The following STK32A variants were observed in gnomAD, a reference collection of about 807,000 sequenced individuals.
STK32A encodes serine/threonine-protein kinase 32A.
Under a neutral mutation model 53.2 loss-of-function variants are expected in STK32A, and 41 were observed. The observed-to-expected ratio is 0.77, with a 90% CI of 0.60 to 1.00. The LOEUF (loss-of-function observed/expected upper bound fraction) is 1.00. Ranked by LOEUF, STK32A falls within the 50% of genes least tolerant of loss-of-function variation. The pLI is 0.00. For missense variants in STK32A, 458 were observed against 485.8 expected (o/e 0.94, Z 0.54); for synonymous variants, 166 against 162.8 (o/e 1.02, Z -0.15).
chr5:147,338,762 T>C (rs1581112470), intron 5 of STK32A, among the ~76,000 whole-genome samples: 1 of 152,190 alleles, frequency 6.6e-6, no homozygotes, highest in Non-Finnish European at 1.5e-5. Context: ...GTGACATTTT[T>C]CCCCTGCCAT....
chr5:147,237,269 T>G (rs1753364396), intron 1 of STK32A, among the ~76,000 whole-genome samples: 1 of 151,590 alleles, frequency 6.6e-6, no homozygotes, highest in African/African-American at 2.4e-5. Flanking sequence ...GCCGAGATGG[T>G]GCCACTGCAC....
chr5:147,315,182 A>G (rs1753932659), intron 4 of STK32A, among the ~76,000 whole-genome samples: 1 of 152,224 alleles, frequency 6.6e-6, no homozygotes, highest in Non-Finnish European at 1.5e-5. Flanking sequence ...TCAAAAAGTT[A>G]AACATAGAGT....
rs941683731 is a variant in STK32A, at chr5:147,334,202, G to A, written c.435-8804G>A. On this transcript the variant is annotated intron_variant, in intron 5 of 12. Coordinates refer to ENST00000397936, the MANE Select transcript of STK32A (RefSeq NM_001112724.2). ...TCTGCAGTCTCCCTAACAAGGAATC[G>A]TTATACCTCAGGGATGGGATAGTCA... Among the ~76,000 whole-genome samples, 9 of 152,248 alleles carry A rather than the reference G, an allele frequency of 5.9e-5. No homozygotes were observed. In the South Asian group the frequency reaches 8.3e-4, roughly 14 times the overall value.
chr5:147,297,419 C>G (rs1752918293), intron 4 of STK32A, among the ~76,000 whole-genome samples: 1 of 152,140 alleles, frequency 6.6e-6, no homozygotes, highest in South Asian at 2.1e-4. Context: ...AACAGGACTG[C>G]TTTCCTGACT....
At chr5:147,374,738 T>C (rs1399053467) in intron 10 of STK32A, among the ~76,000 whole-genome samples, 1 of 152,146 alleles carries the variant, frequency 6.6e-6, no homozygotes, top group Admixed American at 6.5e-5. Flanking sequence ...ATTTGGGAAG[T>C]CTGGTTGGAG....
At chr5:147,330,142 C>A (rs1754796235) in intron 5 of STK32A, among the ~76,000 whole-genome samples, 2 of 152,152 alleles carry the variant, frequency 1.3e-5, no homozygotes, top group East Asian at 1.9e-4. Flanking sequence ...TAGTTGAGTT[C>A]TCGGCACAGC....
At chr5:147,378,840 CTTTTTTTTTTTTTTTTTTTTTTTTTTTTT>C (rs71001434) in intron 11 of STK32A, among the ~76,000 whole-genome samples, 5 of 28,094 alleles carry the variant, frequency 1.8e-4, no homozygotes, top group Admixed American at 9.7e-4. Context: ...TGCCTCCAGT[CTTTTTTTTTTTTTTTTTTTTTTTTTTTTT>C]TTTTTTTTTT....
At chr5:147,252,057 G>T (rs1258094672) in intron 2 of STK32A, among the ~76,000 whole-genome samples, 20 of 151,338 alleles carry the variant, frequency 1.3e-4, no homozygotes, top group African/African-American at 4.9e-4. Flanking sequence ...TTTTTAATTA[G>T]TTGGGTATGG....
At chr5:147,383,653 C>CT (rs1364893625) in intron 12 of STK32A, 148 bp downstream of exon 12, 4 of 857,606 alleles carry the variant, frequency 4.7e-6, no homozygotes, top group African/African-American at 3.5e-5. Context: ...ATGTAGAAAC[C>CT]TTTTTTGTAA....
chr5:147,277,860 C>T (rs916598337), intron 2 of STK32A, among the ~76,000 whole-genome samples: 2 of 152,150 alleles, frequency 1.3e-5, no homozygotes, highest in Admixed American at 6.5e-5. Flanking sequence ...TCCGTCTTTA[C>T]AGGGCCCTCA....
chr5:147,376,595 T>G (rs1581154430), intron 11 of STK32A, among the ~76,000 whole-genome samples: 1 of 152,162 alleles, frequency 6.6e-6, no homozygotes, highest in South Asian at 2.1e-4. Flanking sequence ...TGCCCATCTT[T>G]CCTGCCACAT....
downstream of STK32A, chr5:147,392,152 T>C (rs760878995): frequency 2.6e-5 from 4 of 152,232 alleles, no homozygotes; most frequent in African/African-American, 4.8e-5. Context: ...TTATTCTTAG[T>C]TCTCTGAAAG....
In STK32A at chr5:147,239,632, A is replaced by C; in HGVS notation, c.-3A>C. ...GAGGATCCAGGTCTGGGCAGATTCA[A>C]CCATGGGAGCGAACACTTCAAGAAA... is the stretch of plus-strand genomic sequence containing the variant. On this transcript the variant is annotated 5_prime_UTR_variant, in exon 2 of 13. Coordinates refer to ENST00000397936, the MANE Select transcript of STK32A (RefSeq NM_001112724.2). 6.2e-7 allele frequency: 1 copy of C among 1,606,610 alleles called. No individual in the cohort carries two copies. Among genetic ancestry groups the C allele is most frequent in the Non-Finnish European group, 8.5e-7 (1 of 1,176,228 alleles).
rs775364725 is a variant in STK32A at position 147,324,006 on chromosome 5, G to A, written c.369G>A (p.Val123=). ...ACGTCCACTTCAAGGAAGAAACAGT[G>A]AAGCTCTTCATCTGTGAGCTGGTCA... ...QQNVHFKEET[V]KLFICELVMA... Residue 123 remains valine (V), a synonymous_variant, in exon 5 of 13, where the codon GTG becomes GTA. Coordinates refer to ENST00000397936, the MANE Select transcript of STK32A (RefSeq NM_001112724.2). The A allele has an allele frequency of 2.5e-6, 4 of 1,611,950 alleles. No homozygotes were observed. The South Asian group carries it at 4.4e-5, about 18-fold the overall frequency.
rs1757590057 is a variant in STK32A at position 147,384,850 on chromosome 5, C to T, written c.*867C>T. ...AATGTCATCACACTGAAAGTATGTC[C>T]ACCTTGCAGTTCAGAAAAGTTGCAT... is the stretch of plus-strand genomic sequence containing the variant. On this transcript the variant is annotated 3_prime_UTR_variant, in exon 13 of 13. Coordinates refer to ENST00000397936, the MANE Select transcript of STK32A (RefSeq NM_001112724.2). 1 of 163,000 alleles carries T rather than the reference C, an allele frequency of 6.1e-6. No individual in the cohort carries two copies. Among genetic ancestry groups the T allele is most frequent in the Non-Finnish European group, 1.3e-5 (1 of 75,566 alleles). The allele number at this position is 163,000 out of a possible 1,614,324, so 10.1% of individuals were successfully genotyped here. A position where few individuals can be genotyped will look rare whatever the true frequency, so the allele number is the denominator to read the frequency against.
intron 7 of STK32A, among the ~76,000 whole-genome samples, chr5:147,359,083 T>A (rs1756382924): frequency 6.6e-6 from 1 of 152,178 alleles, no homozygotes; most frequent in African/African-American, 2.4e-5. Context: ...TAGAAATACA[T>A]AATGAGCAAT....
rs1013592572 is a variant in STK32A at position 147,384,570 on chromosome 5, G to T, written c.*587G>T. The T allele has an allele frequency of 1.2e-5, 8 of 657,746 alleles. No individual in the cohort carries two copies. The highest frequency in any genetic ancestry group is 1.8e-5 in the African/African-American group (1 of 54,796). The allele number at this position is 657,746 out of a possible 1,614,324, so 40.7% of individuals were successfully genotyped here. Reference sequence around the variant, plus strand: ...ATATGCGTGAATCAGCATTAGATCCGCTTATCTCAGCTGGCAGGAGCCTGC... The same window carrying T: ...ATATGCGTGAATCAGCATTAGATCCTCTTATCTCAGCTGGCAGGAGCCTGC... On this transcript the variant is annotated 3_prime_UTR_variant, in exon 13 of 13. Coordinates refer to ENST00000397936, the MANE Select transcript of STK32A (RefSeq NM_001112724.2).
At chr5:147,326,261 A>G (rs943739765) in intron 5 of STK32A, among the ~76,000 whole-genome samples, 7 of 152,166 alleles carry the variant, frequency 4.6e-5, no homozygotes, top group African/African-American at 1.4e-4. Flanking sequence ...TTTGCCCTTC[A>G]ATCACATCCA....
chr5:147,324,792 A>G (rs566185601), intron 5 of STK32A, among the ~76,000 whole-genome samples: 2 of 152,316 alleles, frequency 1.3e-5, no homozygotes, highest in South Asian at 4.1e-4. Context: ...TTAAATTATC[A>G]CCCAGTTTAC....
Sources: gnomAD v4.1 joint callset for allele counts (sites outside exome capture counted in the v4.1 genomes callset) on GRCh38, gnomAD v4.1.1 for gene constraint, MANE v1.5 for transcripts, NCBI Gene and HGNC (gene_info 2026-07-23, HGNC 2026-07-21) for gene names.